Variants in HYDIN observed in about 807,000 individuals in gnomAD.
HYDIN encodes the protein axonemal central pair apparatus protein HYDIN.
HYDIN carries 132 observed loss-of-function variants against 403.9 expected under a neutral mutation model. The ratio of observed to expected loss-of-function variants is 0.33; its 90% confidence interval spans 0.28 to 0.38. HYDIN has a LOEUF of 0.38. HYDIN is among the 10% of genes least tolerant of loss of function. The pLI is 1.00. For missense variants in HYDIN, 2,827 were observed against 5,009.5 expected, an observed-to-expected ratio of 0.56 and a Z score of 13.15; for synonymous variants, 1,202 against 1,891.7, an observed-to-expected ratio of 0.64 and a Z score of 9.46.
chr16:71,224,296 C>G (rs1032336542), intron 1 of HYDIN, among the ~76,000 whole-genome samples: 5 of 152,046 alleles, frequency 3.3e-5, no homozygotes, highest in Non-Finnish European at 7.4e-5. Context: ...TTGGGGAAGT[C>G]AGAAGTAGGG....
chr16:70,936,629 G>A (rs1432806026), intron 44 of HYDIN, among the ~76,000 whole-genome samples: 2 of 151,408 alleles, frequency 1.3e-5, no homozygotes, highest in African/African-American at 2.4e-5. Context: ...CACCTCCTGG[G>A]TTCAAGCAAT....
intron 1 of HYDIN, among the ~76,000 whole-genome samples, chr16:71,195,295 A>G (rs1255269893): frequency 6.6e-6 from 1 of 152,040 alleles, no homozygotes; most frequent in Non-Finnish European, 1.5e-5. Flanking sequence ...AGCGAAAGGA[A>G]TTCTATGCAA....
intron 84 of HYDIN, among the ~76,000 whole-genome samples, chr16:70,812,963 A>AT (rs530575705): frequency 6.6e-5 from 10 of 151,360 alleles, no homozygotes; most frequent in African/African-American, 2.4e-4. Context: ...TTCTTTTTTT[A>AT]TTTTTTTGAG....
At chr16:70,950,873 C>A (rs1453859179) in intron 41 of HYDIN, among the ~76,000 whole-genome samples, 4 of 152,124 alleles carry the variant, frequency 2.6e-5, no homozygotes, top group Non-Finnish European at 4.4e-5. Flanking sequence ...AAGAGCACAC[C>A]CCCTCTCCTC....
At chr16:71,069,197 G>A in intron 14 of HYDIN, 70 bp downstream of exon 14, 1 of 1,490,554 alleles carries the variant, frequency 6.7e-7, no homozygotes, top group Non-Finnish European at 9.1e-7. Flanking sequence ...GCAAACCCTA[G>A]ATGAGGGCCC....
chr16:71,201,405 TATCCTGC>T (rs766085055), intron 1 of HYDIN, among the ~76,000 whole-genome samples: 1 of 152,224 alleles, frequency 6.6e-6, no homozygotes, highest in Non-Finnish European at 1.5e-5. Flanking sequence ...TGGTTTTTAC[TATCCTGC>T]ATCCATCCCC....
intron 47 of HYDIN, among the ~76,000 whole-genome samples, chr16:70,916,985 G>T (rs922506923): frequency 6.6e-6 from 1 of 151,916 alleles, no homozygotes; most frequent in African/African-American, 2.4e-5. Context: ...GTGCAGTGGT[G>T]TCATCTCAAC....
chr16:70,854,313 C>T (rs1455365529), intron 73 of HYDIN, among the ~76,000 whole-genome samples: 1 of 150,132 alleles, frequency 6.7e-6, no homozygotes, highest in Non-Finnish European at 1.5e-5. Context: ...CAGCTCACTG[C>T]AACCTCTGCC....
chr16:71,014,460 T>G (rs2144108799), intron 23 of HYDIN, among the ~76,000 whole-genome samples: 1 of 151,616 alleles, frequency 6.6e-6, no homozygotes, highest in African/African-American at 2.4e-5. Flanking sequence ...CCAGTCCATC[T>G]GGTTCAGAGA....
intron 83 of HYDIN, among the ~76,000 whole-genome samples, chr16:70,820,190 T>TTC (rs1366553573): frequency 3.3e-5 from 4 of 122,126 alleles, no homozygotes; most frequent in Admixed American, 7.8e-5. Flanking sequence ...CTTTTTTCTT[T>TTC]TTTTTTTTTT....
At chr16:70,927,776 C>A (rs533597190) in intron 45 of HYDIN, among the ~76,000 whole-genome samples, 10 of 152,296 alleles carry the variant, frequency 6.6e-5, no homozygotes, top group African/African-American at 2.4e-4. Flanking sequence ...GCCGACATCT[C>A]AACAGCCACA....
chr16:71,074,359 C>G (rs1169694936), intron 13 of HYDIN, among the ~76,000 whole-genome samples: 1 of 149,354 alleles, frequency 6.7e-6, no homozygotes, highest in Non-Finnish European at 1.5e-5. Context: ...TAACGCCTCC[C>G]TACTTGCATA....
intron 23 of HYDIN, among the ~76,000 whole-genome samples, chr16:71,003,956 GTC>G (rs1299808591): frequency 6.6e-6 from 1 of 151,320 alleles, no homozygotes; most frequent in Non-Finnish European, 1.5e-5. Flanking sequence ...TCCAAATCTA[GTC>G]TCTTTTATTT....
intron 19 of HYDIN, chr16:71,031,445 T>C (rs1174063592): frequency 1.9e-5 from 26 of 1,356,478 alleles, no homozygotes; most frequent in Non-Finnish European, 2.1e-5. Flanking sequence ...CTACAAACCA[T>C]ATTCTTCTCG....
intron 84 of HYDIN, among the ~76,000 whole-genome samples, chr16:70,811,850 T>A (rs2143431597): frequency 7.5e-6 from 1 of 133,466 alleles, no homozygotes; most frequent in East Asian, 2.2e-4. Context: ...AGAGCAAAAC[T>A]CCATCTTGGG....
chr16:71,092,171 C>A (rs1308323730), intron 11 of HYDIN, among the ~76,000 whole-genome samples: 1 of 151,944 alleles, frequency 6.6e-6, no homozygotes, highest in Non-Finnish European at 1.5e-5. Context: ...TCAGGTTTGC[C>A]GTTCCTTGAA....
At chr16:71,215,119 A>G (rs934453397) in intron 1 of HYDIN, among the ~76,000 whole-genome samples, 3 of 152,198 alleles carry the variant, frequency 2.0e-5, no homozygotes, top group African/African-American at 7.2e-5. Flanking sequence ...GCCAACTTGC[A>G]GGGTTCTCCC....
intron 23 of HYDIN, among the ~76,000 whole-genome samples, chr16:70,998,882 T>C (rs995076867): frequency 2.6e-5 from 4 of 152,128 alleles, no homozygotes; most frequent in African/African-American, 9.7e-5. Flanking sequence ...TGGAAACAGA[T>C]GGGCTGGCCC....
chr16:70,850,766 A>G (rs71401839), intron 73 of HYDIN, 111 bp from the exon 74 acceptor site: 74,039 of 971,756 alleles, frequency 0.076, 3,185 homozygotes, highest in Non-Finnish European at 0.088. Flanking sequence ...GGAAACTCCA[A>G]ATTATGATGA....
Sources: gnomAD v4.1 joint callset for allele counts (sites outside exome capture counted in the v4.1 genomes callset) on GRCh38, gnomAD v4.1.1 for gene constraint, MANE v1.5 for transcripts, NCBI Gene and HGNC (gene_info 2026-07-23, HGNC 2026-07-21) for gene names.